The following SPIDR variants were observed in gnomAD, a reference collection of about 807,000 sequenced individuals.
The protein encoded by SPIDR is scaffold protein involved in DNA repair, also known as DNA repair-scaffolding protein.
A neutral mutation model predicts 104.6 loss-of-function variants in SPIDR; 93 were observed. That is an observed-to-expected ratio of 0.89 (90% CI 0.75 to 1.06). The LOEUF (loss-of-function observed/expected upper bound fraction) is 1.06. SPIDR is among the 50% of genes least tolerant of loss of function. SPIDR has a pLI of 0.00. For missense variants in SPIDR, 1,154 were observed against 1,111.2 expected, an observed-to-expected ratio of 1.04 and a Z score of -0.55; for synonymous variants, 431 against 416.9, an observed-to-expected ratio of 1.03 and a Z score of -0.41.
chr8:47,381,306 C>T (rs1438183832), intron 5 of SPIDR, among the ~76,000 whole-genome samples: 2 of 152,176 alleles, frequency 1.3e-5, no homozygotes, highest in African/African-American at 2.4e-5. Flanking sequence ...AATCTATTGA[C>T]CTGTCAGCCA....
intron 5 of SPIDR, among the ~76,000 whole-genome samples, chr8:47,339,224 C>A (rs569972482): frequency 1.3e-5 from 2 of 152,250 alleles, no homozygotes; most frequent in East Asian, 3.9e-4. Context: ...TTAGAAAAAA[C>A]AAACTGAAAA....
intron 8 of SPIDR, among the ~76,000 whole-genome samples, chr8:47,447,475 A>G (rs2070877822): frequency 6.6e-6 from 1 of 152,172 alleles, no homozygotes; most frequent in African/African-American, 2.4e-5. Context: ...CAGACTCCCA[A>G]AGTGCTGGGA....
chr8:47,338,808 G>C lies in SPIDR; in HGVS notation c.525+44778G>C, dbSNP rs1482833658. Among the ~76,000 whole-genome samples, 7 of 152,074 alleles carry C rather than the reference G, an allele frequency of 4.6e-5. No homozygotes were observed. In the East Asian group the frequency reaches 1.4e-3, roughly 29 times the overall value. ...GCCTCACAAAAAATTATTTGCCCAG[G>C]GCTTCCACGTATCCTAAGGGTAGTC... On this transcript the variant is annotated intron_variant, in intron 5 of 19. Coordinates refer to ENST00000297423, the MANE Select transcript of SPIDR (RefSeq NM_001080394.4).
chr8:47,685,734 T>C (rs1253676796), intron 11 of SPIDR, among the ~76,000 whole-genome samples: 1 of 152,012 alleles, frequency 6.6e-6, no homozygotes, highest in African/African-American at 2.4e-5. Context: ...TTTGTATTTT[T>C]AGTAGAGACG....
chr8:47,405,360 C>A (rs543973806), intron 6 of SPIDR, among the ~76,000 whole-genome samples: 1 of 151,358 alleles, frequency 6.6e-6, no homozygotes, highest in African/African-American at 2.4e-5. Flanking sequence ...GTATATTTAA[C>A]AAACCTGCAC....
At position 47,353,535 on chromosome 8, in the gene SPIDR, T is replaced by C. The variant is rs141845334; in HGVS notation, c.526-42841T>C. 8.5e-4 allele frequency among the ~76,000 whole-genome samples: 130 copies of C among 152,148 alleles called. 1 individual carries two copies. In the East Asian group the frequency reaches 0.023, roughly 27 times the overall value. On this transcript the variant is annotated intron_variant, in intron 5 of 19. Coordinates refer to ENST00000297423, the MANE Select transcript of SPIDR (RefSeq NM_001080394.4). ...GGAGGAGGCCAGAGCGTAGGTTTAG[T>C]GTGGTGGGGAGAGGGTTGGAGCAAT...
At chr8:47,606,601 C>T (rs2062984737) in intron 10 of SPIDR, among the ~76,000 whole-genome samples, 1 of 152,160 alleles carries the variant, frequency 6.6e-6, no homozygotes, top group African/African-American at 2.4e-5. Context: ...AGATTAAGGC[C>T]GAATGAGGAA....
intron 8 of SPIDR, among the ~76,000 whole-genome samples, chr8:47,582,515 A>G (rs1311881208): frequency 6.6e-6 from 1 of 152,136 alleles, no homozygotes; most frequent in African/African-American, 2.4e-5. Context: ...TTTAGTCTCA[A>G]TTACTTTTTC....
At chr8:47,416,000 C>G (rs1370789306) in intron 7 of SPIDR, among the ~76,000 whole-genome samples, 1 of 152,216 alleles carries the variant, frequency 6.6e-6, no homozygotes, top group Admixed American at 6.5e-5. Context: ...AATTCCAGCA[C>G]TTTGGGAGAC....
At chr8:47,403,685 C>T (rs1200455297) in intron 6 of SPIDR, among the ~76,000 whole-genome samples, 1 of 151,972 alleles carries the variant, frequency 6.6e-6, no homozygotes, top group African/African-American at 2.4e-5. Flanking sequence ...ATAAACCACT[C>T]CTCAACGAAA....
chr8:47,670,006 T>A (rs952910675), intron 10 of SPIDR, among the ~76,000 whole-genome samples: 1 of 151,902 alleles, frequency 6.6e-6, no homozygotes, highest in Non-Finnish European at 1.5e-5. Context: ...TTCAAAAGAA[T>A]TAATCAATAA....
At chr8:47,431,215 C>T (rs1344067709) in intron 7 of SPIDR, among the ~76,000 whole-genome samples, 3 of 152,212 alleles carry the variant, frequency 2.0e-5, no homozygotes, top group Admixed American at 6.5e-5. Flanking sequence ...ACAAGTCCTC[C>T]AGTCTCTTAC....
intron 5 of SPIDR, among the ~76,000 whole-genome samples, chr8:47,340,567 A>G (rs1387614243): frequency 1.3e-5 from 2 of 152,146 alleles, no homozygotes; most frequent in Admixed American, 1.3e-4. Context: ...GCGCCACTGC[A>G]CTCCAGTCTG....
chr8:47,493,038 A>AGTGTGT (rs1363442147), intron 8 of SPIDR, among the ~76,000 whole-genome samples: 882 of 64,750 alleles, frequency 0.014, 2 homozygotes, highest in South Asian at 0.027. Context: ...AGAGAGAGAG[A>AGTGTGT]GTGAGTGTGT....
chr8:47,681,312 T>C (rs1193942070), intron 11 of SPIDR, among the ~76,000 whole-genome samples: 3 of 152,214 alleles, frequency 2.0e-5, no homozygotes, highest in African/African-American at 7.2e-5. Context: ...TATTTAACTA[T>C]TGTAAAGTAT....
At chr8:47,358,318 G>A (rs2154287448) in intron 5 of SPIDR, among the ~76,000 whole-genome samples, 1 of 152,190 alleles carries the variant, frequency 6.6e-6, no homozygotes, top group East Asian at 1.9e-4. Context: ...AAACTCCTGG[G>A]CACAAGTGAT....
chr8:47,365,438 C>T (rs1301724252), intron 5 of SPIDR, among the ~76,000 whole-genome samples: 3 of 152,178 alleles, frequency 2.0e-5, no homozygotes, highest in Non-Finnish European at 4.4e-5. Context: ...TAGCATGCCT[C>T]GGGTCTTTCC....
intron 7 of SPIDR, among the ~76,000 whole-genome samples, chr8:47,426,930 T>C (rs1210361597): frequency 1.3e-5 from 2 of 152,176 alleles, no homozygotes; most frequent in African/African-American, 4.8e-5. Flanking sequence ...ATAGCAATAA[T>C]CTGTAACTTT....
intron 1 of SPIDR, among the ~76,000 whole-genome samples, chr8:47,270,300 ATCTCTTTG>A (rs1374230597): frequency 6.6e-6 from 1 of 152,124 alleles, no homozygotes; most frequent in Non-Finnish European, 1.5e-5. Flanking sequence ...TTATGACTCA[ATCTCTTTG>A]TTTGTTACAG....
Sources: allele counts gnomAD v4.1 joint callset (sites outside exome capture counted in the v4.1 genomes callset), GRCh38; gene constraint gnomAD v4.1.1; transcripts MANE v1.5; gene names NCBI Gene and HGNC (gene_info 2026-07-23, HGNC 2026-07-21).